Variants in RALGAPA1 observed in about 807,000 individuals in gnomAD.
RALGAPA1 encodes Ral GTPase activating protein catalytic subunit alpha 1.
A neutral mutation model predicts 269.6 loss-of-function variants in RALGAPA1; 52 were observed. That is an observed-to-expected ratio of 0.19 (90% CI 0.15 to 0.24). The LOEUF (loss-of-function observed/expected upper bound fraction) is 0.24, where lower values mean the gene tolerates loss of function less well. Among genes scored for constraint, RALGAPA1 ranks in the 10% least tolerant of loss-of-function variants. The pLI is 1.00. For missense variants in RALGAPA1, 1,917 were observed against 3,013.9 expected (o/e 0.64, Z 8.52); for synonymous variants, 817 against 1,008.3 (o/e 0.81, Z 3.60).
chr14:35,682,730 T>A (rs142299818), intron 21 of RALGAPA1, among the ~76,000 whole-genome samples: 3,316 of 152,266 alleles, frequency 0.022, 122 homozygotes, highest in African/African-American at 0.075. Flanking sequence ...ACAACTAAAG[T>A]AAGAGGTATT....
At chr14:35,590,677 A>G (rs1017934119) in intron 37 of RALGAPA1, among the ~76,000 whole-genome samples, 3 of 152,200 alleles carry the variant, frequency 2.0e-5, no homozygotes, top group Non-Finnish European at 4.4e-5. Context: ...TTTCTTTATA[A>G]ATTACCCAGT....
chr14:35,594,158 G>C (rs1484856701), intron 37 of RALGAPA1, among the ~76,000 whole-genome samples: 2 of 151,948 alleles, frequency 1.3e-5, no homozygotes, highest in Non-Finnish European at 2.9e-5. Context: ...CAAAATATAA[G>C]ACATGAAACC....
intron 27 of RALGAPA1, among the ~76,000 whole-genome samples, chr14:35,661,114 G>GTAC (rs368985886): frequency 6.6e-6 from 1 of 152,028 alleles, no homozygotes; most frequent in African/African-American, 2.4e-5. Flanking sequence ...TAAGACAGTA[G>GTAC]ATCTTGGTTT....
intron 17 of RALGAPA1, among the ~76,000 whole-genome samples, chr14:35,694,874 C>T (rs1366554514): frequency 1.3e-5 from 2 of 151,876 alleles, no homozygotes; most frequent in Non-Finnish European, 2.9e-5. Flanking sequence ...GTCAAGAGTT[C>T]GAGATCAGCC....
At chr14:35,637,525 G>C (rs778340835) in intron 31 of RALGAPA1, among the ~76,000 whole-genome samples, 2 of 152,048 alleles carry the variant, frequency 1.3e-5, no homozygotes, top group Non-Finnish European at 2.9e-5. Flanking sequence ...TACACAGTCA[G>C]AGGCGACAAA....
chr14:35,760,777 G>A lies in RALGAPA1; in HGVS notation c.547+52C>T. 2.2e-6 allele frequency: 3 copies of A among 1,333,612 alleles called. No homozygotes were observed. The East Asian group carries it at 7.0e-5, about 31-fold the overall frequency. 82.6% of individuals were successfully genotyped at this position (1,333,612 alleles called of 1,614,324 possible). On this transcript the variant is annotated intron_variant, in intron 6 of 41. Coordinates refer to ENST00000680220, the MANE Select transcript of RALGAPA1 (RefSeq NM_001346249.2). ...AGACATTTGAAAAAATACACTAAGA[G>A]ACTACATAGAGAGCTTAAACCTACT...
At chr14:35,764,397 C>T (rs1236484737) in intron 4 of RALGAPA1, among the ~76,000 whole-genome samples, 2 of 151,134 alleles carry the variant, frequency 1.3e-5, no homozygotes, top group Non-Finnish European at 3.0e-5. Context: ...TCTTTATATA[C>T]ATATATATAT....
At chr14:35,616,820 T>C (rs999776609) in intron 35 of RALGAPA1, among the ~76,000 whole-genome samples, 1 of 152,154 alleles carries the variant, frequency 6.6e-6, no homozygotes, top group Non-Finnish European at 1.5e-5. Flanking sequence ...AGTTTCAGTA[T>C]AGCAGTAGAG....
intron 21 of RALGAPA1, 120 bp downstream of exon 21, chr14:35,683,689 G>T: frequency 1.5e-5 from 11 of 754,318 alleles, no homozygotes; most frequent in Non-Finnish European, 2.2e-5. Context: ...ACATAAAGAT[G>T]AATGAAAAAA....
chr14:35,567,830 A>T (rs963423523), intron 39 of RALGAPA1, among the ~76,000 whole-genome samples: 1 of 152,146 alleles, frequency 6.6e-6, no homozygotes, highest in African/African-American at 2.4e-5. Context: ...AATCTAATTG[A>T]TCTCACCACT....
intron 35 of RALGAPA1, among the ~76,000 whole-genome samples, chr14:35,620,482 A>G (rs998057074): frequency 6.6e-6 from 1 of 152,098 alleles, no homozygotes; most frequent in Admixed American, 6.6e-5. Flanking sequence ...CACCACTCCT[A>G]TTCAACATAG....
chr14:35,627,049 G>GAAAAAAAAA, intron 34 of RALGAPA1, 41 bp downstream of exon 34: 1 of 1,130,102 alleles, frequency 8.8e-7, no homozygotes, highest in Non-Finnish European at 1.2e-6. Context: ...GAATAAGACC[G>GAAAAAAAAA]AAAAAAAAAA....
intron 33 of RALGAPA1, among the ~76,000 whole-genome samples, chr14:35,630,879 T>TA (rs2061318501): frequency 6.6e-6 from 1 of 151,922 alleles, no homozygotes; most frequent in South Asian, 2.1e-4. Flanking sequence ...CTTAAAAAAA[T>TA]AAAAAAGAAA....
chr14:35,793,994 C>G (rs1282935257), intron 1 of RALGAPA1, among the ~76,000 whole-genome samples: 1 of 152,114 alleles, frequency 6.6e-6, no homozygotes, highest in Non-Finnish European at 1.5e-5. Flanking sequence ...CACTTTATGT[C>G]AATAATCTGC....
At chr14:35,573,256 T>C (rs1325889861) in intron 37 of RALGAPA1, among the ~76,000 whole-genome samples, 2 of 152,180 alleles carry the variant, frequency 1.3e-5, no homozygotes, top group African/African-American at 4.8e-5. Flanking sequence ...GTTAACATTA[T>C]GATAATTAAA....
intron 39 of RALGAPA1, among the ~76,000 whole-genome samples, chr14:35,567,006 C>T (rs2056769580): frequency 6.6e-6 from 1 of 151,448 alleles, no homozygotes; most frequent in Non-Finnish European, 1.5e-5. Context: ...GGTATATATA[C>T]TACACTCAGG....
At chr14:35,709,219 G>T (rs1388794183) in intron 16 of RALGAPA1, among the ~76,000 whole-genome samples, 1 of 152,034 alleles carries the variant, frequency 6.6e-6, no homozygotes, top group African/African-American at 2.4e-5. Context: ...ATAACTAAAA[G>T]AATATAATTG....
intron 1 of RALGAPA1, among the ~76,000 whole-genome samples, chr14:35,795,355 G>T (rs746388867): frequency 6.6e-6 from 1 of 152,092 alleles, no homozygotes; most frequent in Non-Finnish European, 1.5e-5. Context: ...GAATCCAGGA[G>T]ACTAGAGAGG....
chr14:35,569,569 T>C (rs1306751971), intron 39 of RALGAPA1, among the ~76,000 whole-genome samples: 4 of 152,156 alleles, frequency 2.6e-5, no homozygotes, highest in African/African-American at 7.2e-5. Context: ...TGGCCAGCAT[T>C]TGAGTTTAGG....
Sources: allele counts gnomAD v4.1 joint callset (sites outside exome capture counted in the v4.1 genomes callset), GRCh38; gene constraint gnomAD v4.1.1; transcripts MANE v1.5; gene names NCBI Gene and HGNC (gene_info 2026-07-23, HGNC 2026-07-21).